The following THSD4 variants were observed in gnomAD, a reference collection of about 807,000 sequenced individuals.
THSD4 encodes thrombospondin type 1 domain containing 4.
Under a neutral mutation model 119.0 loss-of-function variants are expected in THSD4, and 69 were observed. The observed-to-expected ratio is 0.58, with a 90% CI of 0.48 to 0.71. The LOEUF (loss-of-function observed/expected upper bound fraction) is 0.71, where lower values mean the gene tolerates loss of function less well. Ranked by LOEUF, THSD4 falls within the 30% of genes least tolerant of loss-of-function variation. The probability of loss-of-function intolerance (pLI) is 0.00; values close to 1 mark genes in which losing one functional copy is unlikely to be tolerated. For missense variants in THSD4, 1,393 were observed against 1,391.1 expected (o/e 1.00, Z -0.02); for synonymous variants, 524 against 540.4 (o/e 0.97, Z 0.42).
intron 7 of THSD4, among the ~76,000 whole-genome samples, chr15:71,627,771 T>C (rs2050537567): frequency 6.6e-6 from 1 of 152,188 alleles, no homozygotes; most frequent in Middle Eastern, 3.2e-3. Context: ...TTTTTTCCAG[T>C]TGAGCTGTGA....
chr15:71,477,347 T>C (rs1035201192), intron 7 of THSD4, among the ~76,000 whole-genome samples: 2 of 152,106 alleles, frequency 1.3e-5, no homozygotes, highest in African/African-American at 4.8e-5. Context: ...TTTAGAATGG[T>C]TCGAAGTTGC....
chr15:71,395,918 C>G lies in THSD4; in HGVS notation c.1016-15769C>G, dbSNP rs75177937. 6.4e-3 allele frequency among the ~76,000 whole-genome samples: 827 copies of G among 128,994 alleles called. 4 individuals carry two copies. The highest frequency in any genetic ancestry group is 0.011 in the Non-Finnish European group (595 of 55,738). The allele number at this position is 128,994 out of a possible 152,430, so 84.6% of individuals were successfully genotyped here. A position where few individuals can be genotyped will look rare whatever the true frequency, so the allele number is the denominator to read the frequency against. Reference sequence around the variant, plus strand: ...CTTCTCAGTGTTTTGAAGAGAGACACACACACACACACACACACACACACA... The same window carrying G: ...CTTCTCAGTGTTTTGAAGAGAGACAGACACACACACACACACACACACACA... On this transcript the variant is annotated intron_variant, in intron 6 of 17. Coordinates refer to ENST00000261862, the MANE Select transcript of THSD4 (RefSeq NM_024817.3).
intron 6 of THSD4, among the ~76,000 whole-genome samples, chr15:71,378,062 G>A (rs966744558): frequency 2.6e-5 from 4 of 152,140 alleles, no homozygotes; most frequent in African/African-American, 9.7e-5. Flanking sequence ...CAGTTGTTCA[G>A]GTTGTGCACT....
intron 7 of THSD4, among the ~76,000 whole-genome samples, chr15:71,617,757 T>G (rs1339466397): frequency 6.6e-6 from 1 of 152,256 alleles, no homozygotes; most frequent in African/African-American, 2.4e-5. Context: ...GTTTCTCCAT[T>G]CGTGAATTTT....
intron 7 of THSD4, among the ~76,000 whole-genome samples, chr15:71,556,103 GTC>G (rs2049011745): frequency 6.6e-6 from 1 of 152,120 alleles, no homozygotes; most frequent in Non-Finnish European, 1.5e-5. Flanking sequence ...CTTTGGGAGT[GTC>G]TTAGTTATTC....
chr15:71,754,861 G>C (rs968363117), intron 14 of THSD4, among the ~76,000 whole-genome samples: 2 of 152,174 alleles, frequency 1.3e-5, no homozygotes, highest in Admixed American at 1.3e-4. Flanking sequence ...TTTTAACAAA[G>C]GGTGATAAAC....
intron 6 of THSD4, among the ~76,000 whole-genome samples, chr15:71,394,777 A>G (rs984858085): frequency 2.0e-5 from 3 of 152,148 alleles, no homozygotes; most frequent in Admixed American, 2.0e-4. Context: ...GCCCTGGGAG[A>G]CTTTGCCATC....
chr15:71,578,978 G>A (rs1330704282), intron 7 of THSD4, among the ~76,000 whole-genome samples: 2 of 151,510 alleles, frequency 1.3e-5, no homozygotes, highest in Non-Finnish European at 2.9e-5. Flanking sequence ...CGAGTAGCTG[G>A]GACTACAGGC....
chr15:71,415,807 G>GT (rs1032318424), intron 7 of THSD4, among the ~76,000 whole-genome samples: 10 of 152,024 alleles, frequency 6.6e-5, no homozygotes, highest in Admixed American at 5.2e-4. Flanking sequence ...TTGTTTGTTT[G>GT]TTTTTTTAAG....
intron 2 of THSD4, among the ~76,000 whole-genome samples, chr15:71,153,060 C>T (rs1165237171): frequency 6.6e-6 from 1 of 152,162 alleles, no homozygotes; most frequent in Non-Finnish European, 1.5e-5. Context: ...TCCAGTCTTC[C>T]CTCCTGGATA....
At chr15:71,735,451 A>ACT (rs751483915) in intron 10 of THSD4, among the ~76,000 whole-genome samples, 183 of 118,880 alleles carry the variant, frequency 1.5e-3, no homozygotes, top group African/African-American at 5.1e-3. Context: ...TCTCTTTCTC[A>ACT]CTCTCTCTCT....
chr15:71,304,042 G>T (rs1429673611), intron 6 of THSD4, among the ~76,000 whole-genome samples: 1 of 152,196 alleles, frequency 6.6e-6, no homozygotes, highest in African/African-American at 2.4e-5. Context: ...AGAGCTAATG[G>T]GCAGAACTGG....
Position 71,339,776 on chromosome 15 carries a change from T to G in THSD4, c.1016-71911T>G, listed in dbSNP as rs1439837005. Among the ~76,000 whole-genome samples, 3 of 152,142 alleles carry G rather than the reference T, an allele frequency of 2.0e-5. No individual in the cohort carries two copies. The East Asian group carries it at 5.8e-4, about 29-fold the overall frequency. On this transcript the variant is annotated intron_variant, in intron 6 of 17. Coordinates refer to ENST00000261862, the MANE Select transcript of THSD4 (RefSeq NM_024817.3). ...AGTGCTCAGTAAGTTTTAACTTTTT[T>G]TTTTTTGAGATGGAGTCTTACTCTG...
chr15:71,403,679 C>G (rs540652410), intron 6 of THSD4, among the ~76,000 whole-genome samples: 1 of 152,266 alleles, frequency 6.6e-6, no homozygotes, highest in South Asian at 2.1e-4. Context: ...AGTCTCCTTT[C>G]GGGACAAATA....
intron 3 of THSD4, among the ~76,000 whole-genome samples, chr15:71,193,997 C>G (rs1236357203): frequency 6.6e-6 from 1 of 152,190 alleles, no homozygotes; most frequent in Non-Finnish European, 1.5e-5. Context: ...AGGCGTGAGC[C>G]ACCGCGCCCG....
intron 8 of THSD4, among the ~76,000 whole-genome samples, chr15:71,704,858 G>A (rs917615597): frequency 3.3e-5 from 5 of 152,286 alleles, no homozygotes; most frequent in Middle Eastern, 3.4e-3. Flanking sequence ...GTGCAGACAC[G>A]GCAAGCCTTA....
At chr15:71,348,631 A>G (rs563764354) in intron 6 of THSD4, among the ~76,000 whole-genome samples, 1 of 152,376 alleles carries the variant, frequency 6.6e-6, no homozygotes, top group East Asian at 1.9e-4. Flanking sequence ...TCTGTTTTAT[A>G]GTCACACCTA....
intron 7 of THSD4, among the ~76,000 whole-genome samples, chr15:71,633,269 CTTTTTTTTT>C (rs67682951): frequency 3.2e-5 from 2 of 63,184 alleles, no homozygotes; most frequent in African/African-American, 1.1e-4. Context: ...TTCTTTCTTT[CTTTTTTTTT>C]TTTTTTTTTT....
At chr15:71,726,937 CAA>C (rs796495334) in intron 8 of THSD4, among the ~76,000 whole-genome samples, 15 of 128,788 alleles carry the variant, frequency 1.2e-4, no homozygotes, top group Non-Finnish European at 1.2e-4. Context: ...AACGCCATCT[CAA>C]AAAAAAAAAA....
Sources: gnomAD v4.1 joint callset for allele counts (sites outside exome capture counted in the v4.1 genomes callset) on GRCh38, gnomAD v4.1.1 for gene constraint, MANE v1.5 for transcripts, NCBI Gene and HGNC (gene_info 2026-07-23, HGNC 2026-07-21) for gene names.